Variants in MACROD2 observed in about 807,000 individuals in gnomAD.
MACROD2 encodes the protein ADP-ribose glycohydrolase MACROD2.
In MACROD2, 36 loss-of-function variants were observed where a neutral mutation model predicts 70.4. The observed-to-expected ratio is 0.51, with a 90% CI of 0.39 to 0.68. The LOEUF (loss-of-function observed/expected upper bound fraction) is 0.68. Ranked by LOEUF, MACROD2 falls within the 30% of genes least tolerant of loss-of-function variation. The pLI is 0.00. For missense variants in MACROD2, 496 were observed against 538.4 expected (o/e 0.92, Z 0.78); for synonymous variants, 172 against 178.8 (o/e 0.96, Z 0.30).
At chr20:14,729,218 A>G (rs2071564950) in intron 5 of MACROD2, among the ~76,000 whole-genome samples, 2 of 152,176 alleles carry the variant, frequency 1.3e-5, no homozygotes, top group Admixed American at 6.5e-5. Context: ...ATCATAGATG[A>G]TTATAAGTTA....
intron 5 of MACROD2, among the ~76,000 whole-genome samples, chr20:14,940,245 G>C (rs1393566728): frequency 1.3e-5 from 2 of 151,776 alleles, no homozygotes; most frequent in East Asian, 3.9e-4. Context: ...AAGTTGGGAG[G>C]AACACCTGAG....
At chr20:15,166,048 A>T (rs1173885183) in intron 5 of MACROD2, among the ~76,000 whole-genome samples, 1 of 152,228 alleles carries the variant, frequency 6.6e-6, no homozygotes, top group Non-Finnish European at 1.5e-5. Flanking sequence ...TAAACGACGT[A>T]TCCAAAGCAG....
chr20:15,130,273 C>T (rs1213273926), intron 5 of MACROD2, among the ~76,000 whole-genome samples: 3 of 151,864 alleles, frequency 2.0e-5, no homozygotes, highest in African/African-American at 7.3e-5. Flanking sequence ...CCCATCCATC[C>T]ATCTAGTCCA....
At chr20:16,043,216 A>G (rs1157104260) in intron 16 of MACROD2, among the ~76,000 whole-genome samples, 1 of 152,068 alleles carries the variant, frequency 6.6e-6, no homozygotes, top group Non-Finnish European at 1.5e-5. Flanking sequence ...ATGGCTAACT[A>G]GAAGTGGGGC....
chr20:15,677,695 C>T (rs1288102158), intron 8 of MACROD2, among the ~76,000 whole-genome samples: 3 of 22,312 alleles, frequency 1.3e-4, no homozygotes, highest in Non-Finnish European at 2.9e-4. Context: ...AACCAACCAA[C>T]CAACCAACCA....
At chr20:15,295,812 C>T (rs1300791826) in intron 6 of MACROD2, among the ~76,000 whole-genome samples, 1 of 152,150 alleles carries the variant, frequency 6.6e-6, no homozygotes, top group Non-Finnish European at 1.5e-5. Flanking sequence ...AGCTACAAGC[C>T]TGCCTTTCTT....
At chr20:14,038,105 C>T (rs1191571730) in intron 2 of MACROD2, among the ~76,000 whole-genome samples, 2 of 152,060 alleles carry the variant, frequency 1.3e-5, no homozygotes, top group East Asian at 3.9e-4. Flanking sequence ...ACCAGCCTGG[C>T]CAATATGGTG....
At chr20:16,040,738 C>T (rs73241683) in intron 15 of MACROD2, among the ~76,000 whole-genome samples, 31,057 of 151,836 alleles carry the variant, frequency 0.2, 3,803 homozygotes, top group African/African-American at 0.34. Flanking sequence ...AAAAAACAAA[C>T]AACAACAACA....
At chr20:15,236,455 A>G (rs1210020372) in intron 6 of MACROD2, among the ~76,000 whole-genome samples, 2 of 152,212 alleles carry the variant, frequency 1.3e-5, no homozygotes, top group African/African-American at 2.4e-5. Flanking sequence ...GGTGAATGAG[A>G]TCAATCATTG....
In MACROD2 at chr20:15,596,782, A is replaced by G. The variant is rs566763356; in HGVS notation, c.645+96935A>G. Among the ~76,000 whole-genome samples, 5 of 152,302 alleles carry G rather than the reference A, an allele frequency of 3.3e-5. No individual in the cohort carries two copies. In the South Asian group the frequency reaches 8.3e-4, roughly 25 times the overall value. ...GCACTCCTCTTTATTAGAAATGTAA[A>G]AACACACAGCCTTGCCCTGGTCAGA... On this transcript the variant is annotated intron_variant, in intron 8 of 17. Coordinates refer to ENST00000684519, the MANE Select transcript of MACROD2 (RefSeq NM_001351661.2).
At chr20:14,063,617 A>G (rs2053717479) in intron 2 of MACROD2, among the ~76,000 whole-genome samples, 1 of 152,224 alleles carries the variant, frequency 6.6e-6, no homozygotes, top group African/African-American at 2.4e-5. Flanking sequence ...AATGCTGTAT[A>G]AGATGTATAT....
intron 5 of MACROD2, among the ~76,000 whole-genome samples, chr20:15,103,660 G>A (rs1199023041): frequency 2.0e-5 from 3 of 152,140 alleles, no homozygotes; most frequent in Non-Finnish European, 4.4e-5. Flanking sequence ...TAATGAAGAA[G>A]ACTGATAATC....
intron 5 of MACROD2, among the ~76,000 whole-genome samples, chr20:14,919,382 CT>C (rs994740525): frequency 2.0e-5 from 3 of 151,964 alleles, no homozygotes; most frequent in Non-Finnish European, 4.4e-5. Context: ...TTATCACTTA[CT>C]TTTCTCTCTA....
chr20:14,184,604 T>TA (rs1284831902), intron 3 of MACROD2, among the ~76,000 whole-genome samples: 1 of 152,150 alleles, frequency 6.6e-6, no homozygotes, highest in East Asian at 1.9e-4. Flanking sequence ...GCATTGAATC[T>TA]ACAAATTGCT....
chr20:14,307,122 G>A (rs1203641420), intron 3 of MACROD2, among the ~76,000 whole-genome samples: 1 of 152,010 alleles, frequency 6.6e-6, no homozygotes. Flanking sequence ...AGTTATGGAT[G>A]ACTTACTGAT....
chr20:14,097,986 A>G (rs1163838621), intron 3 of MACROD2, among the ~76,000 whole-genome samples: 1 of 152,136 alleles, frequency 6.6e-6, no homozygotes, highest in Non-Finnish European at 1.5e-5. Flanking sequence ...AGCATTTCGG[A>G]TATTGGATTT....
In MACROD2 at chr20:14,861,505, C is replaced by A. The variant is rs2073316622; in HGVS notation, c.418+176546C>A. ...GAAATACCCTGACCTTCCTCTCCTACTCTCTGATATCCTGCTGATGCCTCC... is the reference window on the plus strand; with the variant it reads ...GAAATACCCTGACCTTCCTCTCCTAATCTCTGATATCCTGCTGATGCCTCC... On this transcript the variant is annotated intron_variant, in intron 5 of 17. Transcript: ENST00000684519. Among the ~76,000 whole-genome samples the A allele has an allele frequency of 2.6e-5, 4 of 152,084 alleles. 1 individual carries two copies. Among genetic ancestry groups the A allele is most frequent in the Non-Finnish European group, 5.9e-5 (4 of 68,022 alleles).
intron 8 of MACROD2, among the ~76,000 whole-genome samples, chr20:15,649,279 C>T (rs1054847678): frequency 3.2e-4 from 44 of 139,524 alleles, no homozygotes; most frequent in Admixed American, 8.8e-4. Context: ...TTTATTAAAT[C>T]GGATAGCATT....
intron 8 of MACROD2, among the ~76,000 whole-genome samples, chr20:15,643,402 G>A (rs931380929): frequency 6.6e-6 from 1 of 152,184 alleles, no homozygotes; most frequent in African/African-American, 2.4e-5. Context: ...TCCTTAAAGA[G>A]ACTTTCTTTG....
Sources: gnomAD v4.1 joint callset for allele counts (sites outside exome capture counted in the v4.1 genomes callset) on GRCh38, gnomAD v4.1.1 for gene constraint, MANE v1.5 for transcripts, NCBI Gene and HGNC (gene_info 2026-07-23, HGNC 2026-07-21) for gene names.